Variants in FCER1A observed in about 807,000 individuals in gnomAD.
FCER1A encodes Fc epsilon receptor Ia, also known as high affinity immunoglobulin epsilon receptor subunit alpha.
A neutral mutation model predicts 23.6 loss-of-function variants in FCER1A; 24 were observed. The ratio of observed to expected loss-of-function variants is 1.02; its 90% CI spans 0.74 to 1.43. The LOEUF is 1.43. FCER1A is among the 40% of genes most tolerant of loss of function. FCER1A has a pLI of 0.00. For missense variants in FCER1A, 318 were observed against 294.5 expected (o/e 1.08, Z -0.58); for synonymous variants, 121 against 108.8 (o/e 1.11, Z -0.70).
upstream of FCER1A, among the ~76,000 whole-genome samples, chr1:159,297,724 T>A (rs185107443): frequency 2.4e-3 from 372 of 152,288 alleles, 3 homozygotes; most frequent in African/African-American, 8.5e-3. Context: ...TTTTAATTTT[T>A]AAAAATTTAG....
Position 159,307,857 on chromosome 1 carries a change from C to T in FCER1A, c.699C>T (p.Leu233=). 1.2e-6 allele frequency: 2 copies of T among 1,613,738 alleles called. No homozygotes were observed. Among genetic ancestry groups the T allele is most frequent in the South Asian group, 2.2e-5 (2 of 91,036 alleles). The change falls in exon 5 of 5, where the codon CTC becomes CTT. Residue 233 remains leucine, a synonymous_variant. Transcript: ENST00000693622. ...CAACTCAGCAGCAGGTCACATTTCT[C>T]TTGAAGATTAAGAGAACCAGGAAAG... ...FISTQQQVTF[L]LKIKRTRKGF...
At chr1:159,285,308 TCATTTACACATTAAAAAGC>T (rs1310844283), upstream of FCER1A, among the ~76,000 whole-genome samples, 2 of 152,218 alleles carry the variant, frequency 1.3e-5, no homozygotes, top group African/African-American at 4.8e-5. Context: ...TTAAAAAGTC[TCATTTACACATTAAAAAGC>T]CAGGTCAAAA....
chr1:159,294,626 C>G (rs1652248315), intron 1 of FCER1A, among the ~76,000 whole-genome samples: 1 of 152,140 alleles, frequency 6.6e-6, no homozygotes, highest in African/African-American at 2.4e-5. Context: ...AAGATCTTGT[C>G]TGCTTATTAT....
chr1:159,287,680 A>G (rs1055200432), upstream of FCER1A, among the ~76,000 whole-genome samples: 16 of 148,370 alleles, frequency 1.1e-4, no homozygotes, highest in Non-Finnish European at 1.2e-4. Flanking sequence ...TGTTATATAT[A>G]TTATTTCATA....
chr1:159,304,029 A>C lies in FCER1A; in HGVS notation c.178A>C (p.Ser60Arg). 7.4e-6 allele frequency: 12 copies of C among 1,614,070 alleles called. No homozygotes were observed. Among genetic ancestry groups the C allele is most frequent in the Non-Finnish European group, 1.0e-5 (12 of 1,179,910 alleles). ...TCNGNNFFEV[S>R]STKWFHNGSL... ...TAATGGGAACAATTTCTTTGAAGTC[A>C]GTTCCACCAAATGGTTCCACAATGG... The change falls in exon 3 of 5, where the codon AGT (serine) becomes CGT (arginine). Residue 60 changes from serine (S) to arginine (R), a missense_variant. By Grantham distance (110) the Ser-to-Arg change is moderately radical. Transcript: ENST00000693622.
At chr1:159,297,542 A>G (rs749734199), upstream of FCER1A, among the ~76,000 whole-genome samples, 29 of 152,148 alleles carry the variant, frequency 1.9e-4, no homozygotes, top group Non-Finnish European at 3.5e-4. Flanking sequence ...AACCACCCTT[A>G]AGGTAGGTAC....
chr1:159,293,168 C>CTGTGTGTGTGTG (rs10632832), intron 1 of FCER1A, among the ~76,000 whole-genome samples: 5 of 145,814 alleles, frequency 3.4e-5, no homozygotes, highest in African/African-American at 1.3e-4. Flanking sequence ...TACATACACA[C>CTGTGTGTGTGTG]TGTGTGTGTG....
intron 4 of FCER1A, among the ~76,000 whole-genome samples, chr1:159,307,457 C>G (rs1486263989): frequency 2.6e-5 from 4 of 152,152 alleles, no homozygotes; most frequent in African/African-American, 9.7e-5. Context: ...CTGGTCTTGT[C>G]ATTTCGAATA....
chr1:159,298,240 G>A (rs1231098422), upstream of FCER1A, among the ~76,000 whole-genome samples: 2 of 152,164 alleles, frequency 1.3e-5, no homozygotes, highest in Non-Finnish European at 2.9e-5. Context: ...ATAAAAGAGT[G>A]TAGATTATGC....
At chr1:159,291,547 A>G (rs898368390) in intron 1 of FCER1A, among the ~76,000 whole-genome samples, 2 of 152,192 alleles carry the variant, frequency 1.3e-5, no homozygotes, top group African/African-American at 2.4e-5. Context: ...TTCAAGAAAG[A>G]TTTAAATTGA....
Position 159,302,870 on chromosome 1 carries a change from A to C in FCER1A, c.72A>C (p.Leu24Phe). Residue 24 changes from leucine to phenylalanine, a missense_variant, in exon 2 of 5, where the codon TTA (leucine) becomes TTC (phenylalanine). By Grantham distance (22) the Leu-to-Phe change is conservative. Coordinates refer to ENST00000693622, the MANE Select transcript of FCER1A (RefSeq NM_001387280.1). ...CTTTTGCAGCTCCAGATGGCGTGTT[A>C]GCAGGTGAGTCCTCTGTTCTTGTTC... Reference protein sequence around the residue: ...ALLFFAPDGVLAVPQKPKVSL... With the variant: ...ALLFFAPDGVFAVPQKPKVSL... 6.2e-7 allele frequency: 1 copy of C among 1,613,834 alleles called. No individual in the cohort carries two copies. Among genetic ancestry groups the C allele is most frequent in the South Asian group, 1.1e-5 (1 of 91,076 alleles).
chr1:159,303,006 C>A, intron 2 of FCER1A, 132 bp downstream of exon 2: 1 of 860,050 alleles, frequency 1.2e-6, no homozygotes, highest in South Asian at 1.4e-5. Flanking sequence ...ACTACTTTCC[C>A]TCTCCACCTT....
chr1:159,307,722 C>G lies in FCER1A; in HGVS notation c.590-26C>G. On this transcript the variant is annotated intron_variant, in intron 4 of 4. Transcript: ENST00000693622. ...TCAGTTCCCAAGATGAATTATGTTT[C>G]TCATTGCATCTGTGTTCCACTACAG... 2.6e-6 allele frequency: 4 copies of G among 1,530,760 alleles called. No homozygotes were observed. The South Asian group carries it at 3.6e-5, about 14-fold the overall frequency. The allele number at this position is 1,530,760 out of a possible 1,614,324, so 94.8% of individuals were successfully genotyped here. A position where few individuals can be genotyped will look rare whatever the true frequency, so the allele number is the denominator to read the frequency against.
intron 4 of FCER1A, 43 bp from the exon 5 acceptor site, chr1:159,307,705 C>T (rs1466027873): frequency 2.8e-6 from 4 of 1,451,778 alleles, no homozygotes; most frequent in African/African-American, 1.4e-5. Context: ...TTTCAGTTCC[C>T]AAGATGAATT....
chr1:159,288,252 C>G (rs150630025), upstream of FCER1A, among the ~76,000 whole-genome samples: 456 of 152,296 alleles, frequency 3.0e-3, 5 homozygotes, highest in Admixed American at 7.1e-3. Flanking sequence ...AGAGACTGGT[C>G]AGCTCCAGTG....
At chr1:159,286,554 G>A (rs577539173), upstream of FCER1A, among the ~76,000 whole-genome samples, 289 of 152,188 alleles carry the variant, frequency 1.9e-3, 2 homozygotes, top group African/African-American at 5.3e-3. Context: ...GGATGGTCTC[G>A]ATCTCCTGAC....
In FCER1A at chr1:159,306,186, C is replaced by T. The variant is rs145443280; in HGVS notation, c.530C>T (p.Thr177Met). The change falls in exon 4 of 5, where the codon ACG (threonine) becomes ATG (methionine). Residue 177 changes from threonine (T) to methionine (M), a missense_variant. Coordinates refer to ENST00000693622, the MANE Select transcript of FCER1A (RefSeq NM_001387280.1). Reference protein sequence around the residue: ...TVEDSGTYYCTGKVWQLDYES... With the variant: ...TVEDSGTYYCMGKVWQLDYES... ...GAAGACAGTGGAACCTACTACTGTA[C>T]GGGCAAAGTGTGGCAGCTGGACTAT... 2.1e-3 allele frequency: 3,395 copies of T among 1,613,916 alleles called. 39 individuals carry two copies. In the East Asian group the frequency reaches 0.022, roughly 11 times the overall value.
chr1:159,306,860 G>T (rs925515121), intron 4 of FCER1A, among the ~76,000 whole-genome samples: 2 of 152,130 alleles, frequency 1.3e-5, no homozygotes, highest in African/African-American at 4.8e-5. Flanking sequence ...GAAGGAGAAA[G>T]TTAGACTTTT....
chr1:159,294,423 G>A (rs558479940), intron 1 of FCER1A, among the ~76,000 whole-genome samples: 1 of 151,872 alleles, frequency 6.6e-6, no homozygotes, highest in Admixed American at 6.6e-5. Flanking sequence ...ATCCTATCTC[G>A]TACTTTAAGT....
Sources: allele counts gnomAD v4.1 joint callset (sites outside exome capture counted in the v4.1 genomes callset), GRCh38; gene constraint gnomAD v4.1.1; transcripts MANE v1.5; gene names NCBI Gene and HGNC (gene_info 2026-07-23, HGNC 2026-07-21).